Variants in SGCD observed in about 807,000 individuals in gnomAD.
The protein encoded by SGCD is delta-sarcoglycan.
In SGCD, 18 loss-of-function variants were observed where a neutral mutation model predicts 36.6. The observed-to-expected ratio is 0.49, with a 90% CI of 0.34 to 0.73. The LOEUF (loss-of-function observed/expected upper bound fraction) is 0.73, where lower values mean the gene tolerates loss of function less well. Among genes scored for constraint, SGCD ranks in the 30% least tolerant of loss-of-function variants. The pLI is 0.01. For missense variants in SGCD, 387 were observed against 346.7 expected, an observed-to-expected ratio of 1.12 and a Z score of -0.92; for synonymous variants, 133 against 130.6, an observed-to-expected ratio of 1.02 and a Z score of -0.12.
the SGCD span, among the ~76,000 whole-genome samples, chr5:155,732,230 T>C: frequency 1.3e-5 from 2 of 152,214 alleles, no homozygotes. Context: ...GCACTGTTAT[T>C]ATCATCTGCA....
At chr5:156,371,799 C>T (rs73291257) in intron 3 of SGCD, among the ~76,000 whole-genome samples, 3,080 of 152,274 alleles carry the variant, frequency 0.02, 115 homozygotes, top group African/African-American at 0.071. Flanking sequence ...TGATATGCTC[C>T]GTCTAATCTC....
At chr5:156,156,773 C>A (rs866846637) in intron 3 of SGCD, among the ~76,000 whole-genome samples, 3 of 151,526 alleles carry the variant, frequency 2.0e-5, no homozygotes, top group Middle Eastern at 3.4e-3. Context: ...TGTTGGAAAT[C>A]ACCGACTTCT....
At chr5:156,452,734 C>A (rs573955958) in intron 3 of SGCD, among the ~76,000 whole-genome samples, 1 of 152,006 alleles carries the variant, frequency 6.6e-6, no homozygotes, top group African/African-American at 2.4e-5. Context: ...TAAGATTCCA[C>A]GGTGAATGAT....
At chr5:155,858,202 G>C in the SGCD span, among the ~76,000 whole-genome samples, 1 of 152,066 alleles carries the variant, frequency 6.6e-6, no homozygotes, top group Non-Finnish European at 1.5e-5. Flanking sequence ...TTCATTAATA[G>C]TTTATTCTAC....
At chr5:155,814,373 G>A in the SGCD span, among the ~76,000 whole-genome samples, 19 of 152,148 alleles carry the variant, frequency 1.2e-4, no homozygotes, top group East Asian at 3.7e-3. Flanking sequence ...CTCCAACACT[G>A]GTTATTCACC....
intron 3 of SGCD, among the ~76,000 whole-genome samples, chr5:156,205,992 TTA>T (rs142523748): frequency 0.22 from 32,225 of 146,678 alleles, 4,190 homozygotes; most frequent in East Asian, 0.62. Flanking sequence ...TATATATATT[TTA>T]TATATATATA....
At chr5:156,207,008 G>A (rs1764298664) in intron 3 of SGCD, among the ~76,000 whole-genome samples, 1 of 151,986 alleles carries the variant, frequency 6.6e-6, no homozygotes, top group South Asian at 2.1e-4. Flanking sequence ...TTAATAAAAT[G>A]TTCTTTTATT....
chr5:156,653,477 G>A (rs1031423637), intron 7 of SGCD, among the ~76,000 whole-genome samples: 10 of 46,208 alleles, frequency 2.2e-4, no homozygotes, highest in Non-Finnish European at 3.2e-4. Flanking sequence ...ATTTTCTTAC[G>A]TAATTCTAAA....
intron 3 of SGCD, among the ~76,000 whole-genome samples, chr5:156,476,264 A>G (rs1755172405): frequency 6.6e-6 from 1 of 152,132 alleles, no homozygotes; most frequent in Non-Finnish European, 1.5e-5. Flanking sequence ...CAAGTAAAAC[A>G]GTGAGTTTTC....
At chr5:156,505,030 C>T (rs1019074744) in intron 3 of SGCD, among the ~76,000 whole-genome samples, 7 of 152,158 alleles carry the variant, frequency 4.6e-5, no homozygotes, top group Non-Finnish European at 1.0e-4. Flanking sequence ...GTCAGTTTAT[C>T]GAAGTCAGGT....
intron 3 of SGCD, among the ~76,000 whole-genome samples, chr5:156,162,543 C>G (rs988066244): frequency 4.0e-5 from 6 of 151,406 alleles, no homozygotes; most frequent in African/African-American, 4.9e-5. Flanking sequence ...TCCCTTTTTT[C>G]TTTGGTCTCA....
At chr5:156,385,721 A>T (rs1771240908) in intron 3 of SGCD, among the ~76,000 whole-genome samples, 1 of 152,218 alleles carries the variant, frequency 6.6e-6, no homozygotes, top group Non-Finnish European at 1.5e-5. Context: ...AGGCAGACAG[A>T]ATCTTCCAGA....
At chr5:156,438,074 T>C (rs1302350850) in intron 3 of SGCD, among the ~76,000 whole-genome samples, 1 of 152,180 alleles carries the variant, frequency 6.6e-6, no homozygotes, top group Non-Finnish European at 1.5e-5. Context: ...CACACTCAAT[T>C]GGAAATTTAA....
At chr5:155,860,569 T>C in the SGCD span, among the ~76,000 whole-genome samples, 3 of 152,188 alleles carry the variant, frequency 2.0e-5, no homozygotes, top group African/African-American at 2.4e-5. Context: ...CAAAGAGGAT[T>C]TGCAAATGAT....
chr5:155,866,367 T>C (rs1755524669), upstream of SGCD, among the ~76,000 whole-genome samples: 1 of 152,132 alleles, frequency 6.6e-6, no homozygotes, highest in Non-Finnish European at 1.5e-5. Flanking sequence ...TTTTGCACCA[T>C]CAATGCAAAT....
intron 3 of SGCD, among the ~76,000 whole-genome samples, chr5:156,313,392 G>T (rs1343480456): frequency 6.6e-6 from 1 of 151,620 alleles, no homozygotes; most frequent in Admixed American, 6.6e-5. Flanking sequence ...TTTTTCTCTG[G>T]AAGTAGTTGT....
At chr5:155,761,499 TCCTCTCCATCAC>T in the SGCD span, among the ~76,000 whole-genome samples, 1 of 128,308 alleles carries the variant, frequency 7.8e-6, no homozygotes, top group Non-Finnish European at 1.6e-5. Context: ...TTCTCCATCA[TCCTCTCCATCAC>T]CCTCTCCATC....
intron 3 of SGCD, among the ~76,000 whole-genome samples, chr5:156,136,054 A>C (rs1050153252): frequency 6.6e-6 from 1 of 152,200 alleles, no homozygotes; most frequent in Non-Finnish European, 1.5e-5. Flanking sequence ...CTGTTTATCT[A>C]GTTACTACCT....
At chr5:156,297,641 G>T (rs1468470097) in intron 3 of SGCD, among the ~76,000 whole-genome samples, 8 of 120,430 alleles carry the variant, frequency 6.6e-5, no homozygotes, top group African/African-American at 2.5e-4. Flanking sequence ...ACTGTTGTGG[G>T]GTGGGGGGAG....
Sources: gnomAD v4.1 joint callset for allele counts (sites outside exome capture counted in the v4.1 genomes callset) on GRCh38, gnomAD v4.1.1 for gene constraint, MANE v1.5 for transcripts, NCBI Gene and HGNC (gene_info 2026-07-23, HGNC 2026-07-21) for gene names.